Variants in MTSS2 observed in about 807,000 individuals in gnomAD.
MTSS2 encodes MTSS I-BAR domain containing 2.
Under a neutral mutation model 67.1 loss-of-function variants are expected in MTSS2, and 27 were observed. The observed-to-expected ratio is 0.40, with a 90% CI of 0.30 to 0.55. The LOEUF is 0.55. Ranked by LOEUF, MTSS2 falls within the 20% of genes least tolerant of loss-of-function variation. MTSS2 has a pLI of 0.43. For missense variants in MTSS2, 1,171 were observed against 1,067.8 expected (o/e 1.10, Z -1.35); for synonymous variants, 624 against 468.6 (o/e 1.33, Z -4.28).
chr16:70,664,252 C>G lies in MTSS2; in HGVS notation c.1669G>C (p.Ala557Pro). The change falls in exon 15 of 15, where the codon GCA becomes CCA. Residue 557 changes from alanine (A) to proline (P), a missense_variant. Transcript: ENST00000338779. ...LPTATGLPSG[A>P]PPGVATIRRT... Reference sequence around the variant, plus strand: ...CGGATGGTGGCCACGCCGGGGGGTGCGCCCGAGGGCAGGCCAGTGGCCGTG... The same window carrying G: ...CGGATGGTGGCCACGCCGGGGGGTGGGCCCGAGGGCAGGCCAGTGGCCGTG... 2 of 1,557,118 alleles carry G rather than the reference C, an allele frequency of 1.3e-6. No homozygotes were observed. Among genetic ancestry groups the G allele is most frequent in the East Asian group, 4.5e-5 (2 of 44,370 alleles).
At chr16:70,665,601 G>T in intron 11 of MTSS2, 61 bp from the exon 12 acceptor site, 1 of 1,442,214 alleles carries the variant, frequency 6.9e-7, no homozygotes, top group Non-Finnish European at 9.4e-7. Context: ...GCAAGGAGGA[G>T]AGGAGAGAAC....
chr16:70,674,182 C>CT, intron 11 of MTSS2, 124 bp downstream of exon 11: 1 of 766,498 alleles, frequency 1.3e-6, no homozygotes, highest in Non-Finnish European at 2.1e-6. Flanking sequence ...CCTTGGGGGC[C>CT]TTCAGGCCAG....
chr16:70,664,470 G>A (rs1194690265), intron 14 of MTSS2, 21 bp from the exon 15 acceptor site: 17 of 1,539,716 alleles, frequency 1.1e-5, no homozygotes, highest in East Asian at 2.3e-5. Flanking sequence ...GGGACACAGT[G>A]AGGCCCAGGG....
intron 11 of MTSS2, 36 bp from the exon 12 acceptor site, chr16:70,665,576 AG>A: frequency 6.6e-7 from 1 of 1,521,408 alleles, no homozygotes. Context: ...TTGCAGACAG[AG>A]GGGCCGGCAG....
Position 70,662,198 on chromosome 16 carries a change from A to G in MTSS2, c.*1479T>C, listed in dbSNP as rs1320996099. On this transcript the variant is annotated 3_prime_UTR_variant, in exon 15 of 15. Coordinates refer to ENST00000338779, the MANE Select transcript of MTSS2 (RefSeq NM_138383.3). ...AGACCCAGCTCCATTCTATCAATCA[A>G]TCAATCAATCATCAAGACCAAGGTG... 4.7e-5 allele frequency: 7 copies of G among 150,498 alleles called. No homozygotes were observed. The highest frequency in any genetic ancestry group is 2.1e-4 in the South Asian group (1 of 4,784). The allele number at this position is 150,498 out of a possible 1,614,324, so 9.3% of individuals were successfully genotyped here.
Position 70,661,702 on chromosome 16 carries a change from A to G in MTSS2, c.*1975T>C. 4.2e-6 allele frequency: 1 copy of G among 236,452 alleles called. No homozygotes were observed. Among genetic ancestry groups the G allele is most frequent in the Non-Finnish European group, 8.4e-6 (1 of 119,578 alleles). The allele number at this position is 236,452 out of a possible 1,614,324, so 14.6% of individuals were successfully genotyped here. ...AGAGTATGTACAGCCCCCGGGGCTC[A>G]CAGGGGAGGGGGACGGCGGAGTCGG... On this transcript the variant is annotated 3_prime_UTR_variant, in exon 15 of 15. Coordinates refer to ENST00000338779, the MANE Select transcript of MTSS2 (RefSeq NM_138383.3).
chr16:70,675,940 T>A (rs747829399), intron 10 of MTSS2, among the ~76,000 whole-genome samples: 1 of 152,212 alleles, frequency 6.6e-6, no homozygotes, highest in Non-Finnish European at 1.5e-5. Context: ...TGTTCCTGGC[T>A]AAGCGTGACC....
At chr16:70,678,484 C>A in intron 7 of MTSS2, 75 bp from the exon 8 acceptor site, 1 of 1,516,364 alleles carries the variant, frequency 6.6e-7, no homozygotes, top group Non-Finnish European at 8.8e-7. Flanking sequence ...GGCTCAGACC[C>A]TGGTGGTGGC....
intron 6 of MTSS2, 22 bp from the exon 7 acceptor site, chr16:70,679,345 AGAG>A (rs774184741): frequency 6.8e-6 from 11 of 1,613,406 alleles, no homozygotes; most frequent in East Asian, 6.7e-5. Flanking sequence ...ATGTGGGAGG[AGAG>A]GAGGAGAGAC....
chr16:70,676,329 C>T (rs1354396517), intron 10 of MTSS2, among the ~76,000 whole-genome samples: 1 of 152,238 alleles, frequency 6.6e-6, no homozygotes, highest in Non-Finnish European at 1.5e-5. Context: ...CTAGCCTGGG[C>T]CAAGGCTCCA....
chr16:70,664,813 G>A (rs372914359), intron 13 of MTSS2, 50 bp from the exon 14 acceptor site: 22 of 1,547,588 alleles, frequency 1.4e-5, no homozygotes, highest in Non-Finnish European at 1.6e-5. Context: ...AATCCCCTCT[G>A]CCCAAATTCC....
At chr16:70,679,925 ACGCC>A in intron 4 of MTSS2, 42 bp downstream of exon 4, 1 of 1,464,068 alleles carries the variant, frequency 6.8e-7, no homozygotes, top group Non-Finnish European at 9.2e-7. Context: ...CTCCCCCGCG[ACGCC>A]CCGTCCCCCC....
intron 11 of MTSS2, among the ~76,000 whole-genome samples, chr16:70,669,818 T>TAA (rs3058050): frequency 6.2e-5 from 9 of 145,766 alleles, no homozygotes; most frequent in Non-Finnish European, 6.0e-5. Context: ...CTCTGTCTCA[T>TAA]AAAAAAAAAA....
chr16:70,678,378 A>C lies in MTSS2; in HGVS notation c.498T>G (p.Ser166Arg). The change falls in exon 8 of 15, where the codon AGT (serine) becomes AGG (arginine). Residue 166 changes from serine to arginine, a missense_variant. Transcript: ENST00000338779. ...ACATGTCGTTGACGTCCTGCAGGGC[A>C]CTGTCCAGCTGGGGCTGCAGGTCTC... Reference protein sequence around the residue: ...GKGDLQPQLDSALQDVNDMYL... With the variant: ...GKGDLQPQLDRALQDVNDMYL... 6.2e-7 allele frequency: 1 copy of C among 1,612,684 alleles called. No homozygotes were observed. Among genetic ancestry groups the C allele is most frequent in the Non-Finnish European group, 8.5e-7 (1 of 1,179,862 alleles).
At chr16:70,678,168 T>C (rs753043859) in intron 8 of MTSS2, 84 bp downstream of exon 8, 1 of 1,496,688 alleles carries the variant, frequency 6.7e-7, no homozygotes, top group Non-Finnish European at 9.0e-7. Context: ...CAGGGACTGC[T>C]GAGAAGTGAC....
At position 70,663,822 on chromosome 16, in the gene MTSS2, G is replaced by A. The variant is rs566196302; in HGVS notation, c.2099C>T (p.Ser700Leu). 1.0e-5 allele frequency: 16 copies of A among 1,534,942 alleles called. No individual in the cohort carries two copies. Among genetic ancestry groups the A allele is most frequent in the African/African-American group, 2.7e-5 (2 of 72,996 alleles). Residue 700 changes from serine (S) to leucine (L), a missense_variant, in exon 15 of 15, where the codon TCG becomes TTG. Coordinates refer to ENST00000338779, the MANE Select transcript of MTSS2 (RefSeq NM_138383.3). Reference protein sequence around the residue: ...EGQFPFPTALSATPTEETPTP... With the variant: ...EGQFPFPTALLATPTEETPTP... ...GGGCGTCTCCTCCGTGGGGGTGGCCGACAGAGCAGTGGGGAAGGGGAACTG... is the reference window on the plus strand; with the variant it reads ...GGGCGTCTCCTCCGTGGGGGTGGCCAACAGAGCAGTGGGGAAGGGGAACTG...
intron 10 of MTSS2, 84 bp downstream of exon 10, chr16:70,676,797 T>A: frequency 8.1e-7 from 1 of 1,227,520 alleles, no homozygotes; most frequent in Non-Finnish European, 1.2e-6. Context: ...CTGAAGCAAT[T>A]TCTGATGCAA....
chr16:70,669,610 G>A (rs1014279006), intron 11 of MTSS2, among the ~76,000 whole-genome samples: 1 of 152,170 alleles, frequency 6.6e-6, no homozygotes, highest in Admixed American at 6.5e-5. Context: ...GAGGTCATGA[G>A]TTCAAGACCA....
chr16:70,665,603 G>A (rs1482827038), intron 11 of MTSS2, 63 bp from the exon 12 acceptor site: 6 of 1,423,652 alleles, frequency 4.2e-6, no homozygotes, highest in Non-Finnish European at 1.9e-6. Context: ...AAGGAGGAGA[G>A]GAGAGAACAG....
Sources: gnomAD v4.1 joint callset for allele counts (sites outside exome capture counted in the v4.1 genomes callset) on GRCh38, gnomAD v4.1.1 for gene constraint, MANE v1.5 for transcripts, NCBI Gene and HGNC (gene_info 2026-07-23, HGNC 2026-07-21) for gene names.